Variants in CHD6 observed in about 807,000 individuals in gnomAD.
CHD6 encodes chromodomain helicase DNA binding protein 6, also known as ATP-dependent chromatin remodeler CHD6.
In CHD6, 50 loss-of-function variants were observed where a neutral mutation model predicts 276.9. The ratio of observed to expected loss-of-function variants is 0.18; its 90% CI spans 0.14 to 0.23. CHD6 has a LOEUF of 0.23. Ranked by LOEUF, CHD6 falls within the 10% of genes least tolerant of loss-of-function variation. CHD6 has a pLI of 1.00. For synonymous variants in CHD6, 1,173 were observed against 1,229.3 expected, an observed-to-expected ratio of 0.95 and a Z score of 0.96; for missense variants, 2,564 against 3,365.8, an observed-to-expected ratio of 0.76 and a Z score of 5.89.
In CHD6 at chr20:41,420,949, G is replaced by A; in HGVS notation, c.5686C>T (p.Pro1896Ser). 3 of 1,614,164 alleles carry A rather than the reference G, an allele frequency of 1.9e-6. No individual in the cohort carries two copies. Among genetic ancestry groups the A allele is most frequent in the South Asian group, 2.2e-5 (2 of 91,078 alleles). The change falls in exon 31 of 37, where the codon CCC becomes TCC. Residue 1896 changes from proline to serine, a missense_variant. Around this residue, in one of 7 missense-constraint regions of CHD6, gnomAD observed 1,024 missense variants for 1,047.9 expected, o/e 0.98. Coordinates refer to ENST00000373233, the MANE Select transcript of CHD6 (RefSeq NM_032221.5). Reference sequence around the variant, plus strand: ...TTTTCCCTTGAGATGTTAGTAGTGGGCTCCGTGAGATGCAATACCTCTGGC... The same window carrying A: ...TTTTCCCTTGAGATGTTAGTAGTGGACTCCGTGAGATGCAATACCTCTGGC... ...ERPEVLHLTEPTTNISREKNQ... is the reference protein window; with the variant it reads ...ERPEVLHLTESTTNISREKNQ...
intron 17 of CHD6, among the ~76,000 whole-genome samples, chr20:41,466,227 C>T (rs546007517): frequency 5.3e-5 from 8 of 152,208 alleles, no homozygotes; most frequent in African/African-American, 1.4e-4. Context: ...AAAACACACA[C>T]AGTTTGTTTT....
intron 1 of CHD6, among the ~76,000 whole-genome samples, chr20:41,588,757 A>C (rs1172928529): frequency 6.6e-6 from 1 of 151,996 alleles, no homozygotes; most frequent in Non-Finnish European, 1.5e-5. Context: ...AAGACATGCT[A>C]CTCTAGCTCC....
Position 41,404,411 on chromosome 20 carries a change from T to C in CHD6, c.*182A>G, listed in dbSNP as rs2046610390. On this transcript the variant is annotated 3_prime_UTR_variant, in exon 37 of 37. Transcript: ENST00000373233. ...CTAGACTAGGTAGACAACACTTATC[T>C]AATGAAGTGGTGAGACCCTGCAACT... 1.5e-6 allele frequency: 2 copies of C among 1,297,926 alleles called. No homozygotes were observed. Among genetic ancestry groups the C allele is most frequent in the Non-Finnish European group, 2.0e-6 (2 of 1,025,330 alleles). 80.4% of individuals were successfully genotyped at this position (1,297,926 alleles called of 1,614,324 possible). A position where few individuals can be genotyped will look rare whatever the true frequency, so the allele number is the denominator to read the frequency against.
At chr20:41,577,481 G>A (rs1482862977) in intron 1 of CHD6, among the ~76,000 whole-genome samples, 2 of 152,016 alleles carry the variant, frequency 1.3e-5, no homozygotes, top group African/African-American at 4.8e-5. Flanking sequence ...TAGAATCTGG[G>A]GGCTATTTCT....
intron 3 of CHD6, among the ~76,000 whole-genome samples, chr20:41,531,802 T>A (rs188983630): frequency 7.9e-5 from 12 of 152,312 alleles, no homozygotes; most frequent in African/African-American, 2.9e-4. Context: ...TATAGTAAAC[T>A]CCACGTTGCA....
chr20:41,567,700 G>T (rs1393324899), intron 1 of CHD6, among the ~76,000 whole-genome samples: 9 of 152,076 alleles, frequency 5.9e-5, no homozygotes. Flanking sequence ...AACTCTTAAC[G>T]TGCCTGGGCT....
At chr20:41,535,385 T>G (rs946999913) in intron 2 of CHD6, among the ~76,000 whole-genome samples, 3 of 152,126 alleles carry the variant, frequency 2.0e-5, no homozygotes, top group African/African-American at 7.2e-5. Flanking sequence ...TACAGAGAAA[T>G]GGAAGATTAG....
chr20:41,594,108 AC>A (rs2045692817), intron 1 of CHD6, among the ~76,000 whole-genome samples: 1 of 152,236 alleles, frequency 6.6e-6, no homozygotes, highest in South Asian at 2.1e-4. Context: ...TGAAAAAAAC[AC>A]CACATTCATA....
intron 1 of CHD6, among the ~76,000 whole-genome samples, chr20:41,613,921 TTAGG>T (rs1410376088): frequency 6.6e-6 from 1 of 151,910 alleles, no homozygotes; most frequent in Non-Finnish European, 1.5e-5. Context: ...GCTTAAACCT[TTAGG>T]TAGGAAGTAA....
chr20:41,547,029 A>C (rs966168235), intron 2 of CHD6, among the ~76,000 whole-genome samples: 4 of 152,212 alleles, frequency 2.6e-5, no homozygotes, highest in African/African-American at 9.7e-5. Flanking sequence ...ATTTTGAACA[A>C]AGAAATGAGG....
At chr20:41,575,612 C>T (rs919239702) in intron 1 of CHD6, among the ~76,000 whole-genome samples, 1 of 152,120 alleles carries the variant, frequency 6.6e-6, no homozygotes, top group Non-Finnish European at 1.5e-5. Flanking sequence ...CTGGAACCGA[C>T]CCCAACAGAA....
intron 17 of CHD6, among the ~76,000 whole-genome samples, chr20:41,462,610 C>T (rs542590994): frequency 6.6e-6 from 1 of 152,064 alleles, no homozygotes. Flanking sequence ...AGGAGGAAAA[C>T]TAAAATAAAC....
intron 26 of CHD6, among the ~76,000 whole-genome samples, chr20:41,439,355 C>CG (rs1555891712): frequency 1.4e-5 from 2 of 147,592 alleles, no homozygotes; most frequent in African/African-American, 2.5e-5. Flanking sequence ...GACTCTATCT[C>CG]GGGAAAAAAA....
At chr20:41,591,337 G>C (rs1449830729) in intron 1 of CHD6, among the ~76,000 whole-genome samples, 2 of 149,986 alleles carry the variant, frequency 1.3e-5, no homozygotes, top group Non-Finnish European at 3.0e-5. Flanking sequence ...ATGTGCACAT[G>C]TACCCTAGAA....
At chr20:41,447,662 T>C (rs2048112133) in intron 24 of CHD6, among the ~76,000 whole-genome samples, 1 of 152,216 alleles carries the variant, frequency 6.6e-6, no homozygotes, top group Non-Finnish European at 1.5e-5. Context: ...CACCAAAAGC[T>C]AGGTTTCTAA....
intron 1 of CHD6, among the ~76,000 whole-genome samples, chr20:41,578,682 G>T (rs1430833288): frequency 7.8e-6 from 1 of 129,020 alleles, no homozygotes; most frequent in African/African-American, 3.4e-5. Context: ...GACAAAGTGA[G>T]ACTCCGTCTC....
At chr20:41,462,913 T>C (rs2042836204) in intron 17 of CHD6, among the ~76,000 whole-genome samples, 1 of 152,164 alleles carries the variant, frequency 6.6e-6, no homozygotes, top group Non-Finnish European at 1.5e-5. Context: ...TCTTGATTGC[T>C]AAAAACCATT....
At position 41,413,420 on chromosome 20, in the gene CHD6, G is replaced by T; in HGVS notation, c.7035C>A (p.Ala2345=). The part of the protein sequence containing the change: ...ATSAPEPATA[A]SSQAEKSIPS... ...GAATGGATTTCTCGGCTTGGCTGCT[G>T]GCTGCCGTAGCTGGCTCAGGAGCCG... is the stretch of plus-strand genomic sequence containing the variant. The change falls in exon 35 of 37, where the codon GCC becomes GCA. Residue 2345 remains alanine, a synonymous_variant. Coordinates refer to ENST00000373233, the MANE Select transcript of CHD6 (RefSeq NM_032221.5). 1 of 1,611,934 alleles carries T rather than the reference G, an allele frequency of 6.2e-7. No homozygotes were observed. The highest frequency in any genetic ancestry group is 2.2e-5 in the East Asian group (1 of 44,886).
intron 1 of CHD6, among the ~76,000 whole-genome samples, chr20:41,603,179 C>G (rs1399492050): frequency 6.6e-6 from 1 of 151,682 alleles, no homozygotes; most frequent in Non-Finnish European, 1.5e-5. Context: ...ATGGTGAAAC[C>G]CTGTCTCTAC....
Sources: allele counts gnomAD v4.1 joint callset (sites outside exome capture counted in the v4.1 genomes callset), GRCh38; gene constraint gnomAD v4.1.1; regional missense constraint gnomAD v4.1.1; transcripts MANE v1.5; gene names NCBI Gene and HGNC (gene_info 2026-07-23, HGNC 2026-07-21).